NDUFAF2: variants seen among roughly 807,000 people sequenced by gnomAD.
NDUFAF2 encodes NADH dehydrogenase [ubiquinone] 1 alpha subcomplex assembly factor 2.
NDUFAF2 carries 13 observed loss-of-function variants against 22.8 expected under a neutral mutation model. The ratio of observed to expected loss-of-function variants is 0.57; its 90% CI spans 0.37 to 0.91. NDUFAF2 has a LOEUF of 0.91. Among genes scored for constraint, NDUFAF2 ranks in the 40% least tolerant of loss-of-function variants. NDUFAF2 has a pLI of 0.01. For missense variants in NDUFAF2, 162 were observed against 195.2 expected, an observed-to-expected ratio of 0.83 and a Z score of 1.01; for synonymous variants, 53 against 64.2, an observed-to-expected ratio of 0.83 and a Z score of 0.84.
intron 3 of NDUFAF2, among the ~76,000 whole-genome samples, chr5:61,129,696 A>G (rs1372097251): frequency 6.6e-6 from 1 of 152,048 alleles, no homozygotes; most frequent in Non-Finnish European, 1.5e-5. Flanking sequence ...AATGTAAATG[A>G]TGGGTTAATG....
chr5:61,140,612 C>G (rs1439456195), intron 3 of NDUFAF2, among the ~76,000 whole-genome samples: 1 of 152,126 alleles, frequency 6.6e-6, no homozygotes, highest in Admixed American at 6.5e-5. Flanking sequence ...GTATGAAATT[C>G]AAATTTAACT....
At chr5:61,004,119 A>C (rs112593972) in intron 1 of NDUFAF2, among the ~76,000 whole-genome samples, 3,652 of 152,080 alleles carry the variant, frequency 0.024, 62 homozygotes, top group Non-Finnish European at 0.037. Context: ...TTTGAAGTTT[A>C]TTAGGCTATT....
At chr5:61,056,489 G>A (rs370017594) in intron 1 of NDUFAF2, among the ~76,000 whole-genome samples, 1 of 152,050 alleles carries the variant, frequency 6.6e-6, no homozygotes, top group African/African-American at 2.4e-5. Context: ...TTCTAACAGC[G>A]AACTAAAATA....
At chr5:61,040,278 ACACACACACG>A (rs1241671055) in intron 1 of NDUFAF2, among the ~76,000 whole-genome samples, 123 of 128,916 alleles carry the variant, frequency 9.5e-4, no homozygotes, top group African/African-American at 2.5e-3. Context: ...ACACACACAC[ACACACACACG>A]CGCGCGCGCG....
intron 3 of NDUFAF2, among the ~76,000 whole-genome samples, chr5:61,125,830 T>G (rs1372591738): frequency 6.6e-6 from 1 of 152,080 alleles, no homozygotes; most frequent in Non-Finnish European, 1.5e-5. Flanking sequence ...ATTACCTAAA[T>G]AATCTTGGAT....
At chr5:60,961,795 A>T (rs1750690450) in intron 1 of NDUFAF2, among the ~76,000 whole-genome samples, 1 of 151,622 alleles carries the variant, frequency 6.6e-6, no homozygotes, top group East Asian at 1.9e-4. Context: ...TTTACTATGT[A>T]ATTGCAACCT....
chr5:60,978,460 G>C (rs931860380), intron 1 of NDUFAF2, among the ~76,000 whole-genome samples: 1 of 152,102 alleles, frequency 6.6e-6, no homozygotes, highest in African/African-American at 2.4e-5. Context: ...TTACAACCAT[G>C]GCGGAAGGCA....
intron 1 of NDUFAF2, among the ~76,000 whole-genome samples, chr5:60,950,541 T>C (rs1460610989): frequency 1.3e-5 from 2 of 152,118 alleles, no homozygotes; most frequent in African/African-American, 4.8e-5. Flanking sequence ...TACCTTTTAT[T>C]AAATTAACAA....
At chr5:61,133,675 A>G (rs1317626024) in intron 3 of NDUFAF2, among the ~76,000 whole-genome samples, 1 of 152,236 alleles carries the variant, frequency 6.6e-6, no homozygotes, top group Non-Finnish European at 1.5e-5. Flanking sequence ...TGCACTATAC[A>G]AAGTCAGATT....
Position 61,122,798 on chromosome 5 carries a change from C to T in NDUFAF2, c.258+23766C>T, listed in dbSNP as rs149411936. The stretch of plus-strand genomic sequence containing the variant: ...CACCTCTTGTGCCCTACCTCACATC[C>T]TTTTGTATTTTTACTCCAGCCTTGC... On this transcript the variant is annotated intron_variant, in intron 3 of 3. Coordinates refer to ENST00000296597, the MANE Select transcript of NDUFAF2 (RefSeq NM_174889.5). Among the ~76,000 whole-genome samples the T allele has an allele frequency of 9.2e-5, 14 of 152,270 alleles. 1 individual carries two copies. Among genetic ancestry groups the T allele is most frequent in the African/African-American group, 3.4e-4 (14 of 41,556 alleles).
chr5:60,998,668 C>A (rs1308777413), intron 1 of NDUFAF2, among the ~76,000 whole-genome samples: 1 of 152,030 alleles, frequency 6.6e-6, no homozygotes, highest in African/African-American at 2.4e-5. Flanking sequence ...TCTCTGTGAT[C>A]ATCCTGTTTT....
intron 1 of NDUFAF2, 176 bp downstream of exon 1, chr5:60,945,558 TACCCGGCCCGGCTCTGGGCGCCTTG>T: frequency 1.0e-6 from 1 of 977,174 alleles, no homozygotes; most frequent in Non-Finnish European, 1.5e-6. Context: ...ATCGGAGCCC[TACCCGGCCCGGCTCTGGGCGCCTTG>T]GCCCGGCCTC....
chr5:61,082,994 C>T (rs374848876), intron 2 of NDUFAF2, among the ~76,000 whole-genome samples: 72 of 152,310 alleles, frequency 4.7e-4, no homozygotes, highest in African/African-American at 1.7e-3. Context: ...GTCCCACCAA[C>T]AGTGTATAAG....
chr5:60,952,257 G>C (rs1166479633), intron 1 of NDUFAF2, among the ~76,000 whole-genome samples: 1 of 151,146 alleles, frequency 6.6e-6, no homozygotes, highest in African/African-American at 2.4e-5. Context: ...GCTTTCAATT[G>C]GTTTTATATG....
chr5:61,003,203 C>T (rs935026711), intron 1 of NDUFAF2, among the ~76,000 whole-genome samples: 2 of 152,118 alleles, frequency 1.3e-5, no homozygotes, highest in Non-Finnish European at 2.9e-5. Flanking sequence ...TCTCTGCAAT[C>T]AACGTTTGGA....
intron 1 of NDUFAF2, among the ~76,000 whole-genome samples, chr5:61,040,282 A>ACGCGCG (rs1263125156): frequency 5.9e-5 from 5 of 84,052 alleles, no homozygotes; most frequent in Admixed American, 1.1e-4. Context: ...ACACACACAC[A>ACGCGCG]CACACGCGCG....
At chr5:61,014,316 A>G (rs1751479713) in intron 1 of NDUFAF2, among the ~76,000 whole-genome samples, 1 of 152,212 alleles carries the variant, frequency 6.6e-6, no homozygotes, top group Admixed American at 6.5e-5. Context: ...GTTGGTGAAC[A>G]CATCTACATG....
intron 2 of NDUFAF2, among the ~76,000 whole-genome samples, chr5:61,096,034 G>A (rs140371434): frequency 3.3e-5 from 5 of 152,180 alleles, no homozygotes; most frequent in Non-Finnish European, 2.9e-5. Context: ...CCATAAAGAG[G>A]CAATTGAAAA....
At chr5:60,996,177 A>G (rs1394740822) in intron 1 of NDUFAF2, among the ~76,000 whole-genome samples, 2 of 151,978 alleles carry the variant, frequency 1.3e-5, no homozygotes, top group African/African-American at 4.8e-5. Context: ...CAAGTCTCCA[A>G]GGCTGACCCA....
Sources: allele counts gnomAD v4.1 joint callset (sites outside exome capture counted in the v4.1 genomes callset), GRCh38; gene constraint gnomAD v4.1.1; transcripts MANE v1.5; gene names NCBI Gene and HGNC (gene_info 2026-07-23, HGNC 2026-07-21).